Variants in NRXN3 observed in about 807,000 individuals in gnomAD.
The protein encoded by NRXN3 is neurexin III.
In NRXN3, 32 loss-of-function variants were observed where a neutral mutation model predicts 137.6. The observed-to-expected ratio is 0.23, with a 90% CI of 0.18 to 0.31. The LOEUF is 0.31. Ranked by LOEUF, NRXN3 falls within the 10% of genes least tolerant of loss-of-function variation. The probability of loss-of-function intolerance (pLI) is 1.00; values close to 1 mark genes in which losing one functional copy is unlikely to be tolerated. For missense variants in NRXN3, 1,574 were observed against 2,062.5 expected (o/e 0.76, Z 4.59); for synonymous variants, 798 against 784.5 (o/e 1.02, Z -0.29).
intron 4 of NRXN3, among the ~76,000 whole-genome samples, chr14:78,473,361 C>CA (rs1185193030): frequency 6.7e-6 from 1 of 148,840 alleles, no homozygotes; most frequent in African/African-American, 2.5e-5. Context: ...AAGATCACAC[C>CA]ACTGCACTCC....
chr14:78,493,930 G>C (rs374380011), intron 4 of NRXN3, among the ~76,000 whole-genome samples: 1 of 152,294 alleles, frequency 6.6e-6, no homozygotes, highest in East Asian at 1.9e-4. Context: ...ACGCTGCAAT[G>C]ATTTCTCAGC....
chr14:78,297,606 G>A (rs1034605027), intron 3 of NRXN3, among the ~76,000 whole-genome samples: 18 of 152,182 alleles, frequency 1.2e-4, no homozygotes, highest in African/African-American at 4.3e-4. Context: ...AGAAAGCCAG[G>A]CTTTCTGCCC....
At chr14:78,510,385 C>T (rs974872908) in intron 4 of NRXN3, among the ~76,000 whole-genome samples, 1 of 152,092 alleles carries the variant, frequency 6.6e-6, no homozygotes, top group Non-Finnish European at 1.5e-5. Context: ...CTATGCTTAG[C>T]TCTAATCTCA....
chr14:78,345,237 T>A (rs1398047805), intron 4 of NRXN3, among the ~76,000 whole-genome samples: 3 of 152,208 alleles, frequency 2.0e-5, no homozygotes, highest in African/African-American at 7.2e-5. Context: ...TATTAGCTTT[T>A]GCCAAGTAGT....
chr14:78,578,823 C>T (rs1270661967), intron 4 of NRXN3, among the ~76,000 whole-genome samples: 1 of 152,052 alleles, frequency 6.6e-6, no homozygotes, highest in Non-Finnish European at 1.5e-5. Flanking sequence ...GAAAGGGCAC[C>T]CGAGGCTGCT....
chr14:79,219,814 C>G (rs1189443608), intron 15 of NRXN3, among the ~76,000 whole-genome samples: 1 of 152,144 alleles, frequency 6.6e-6, no homozygotes, highest in East Asian at 1.9e-4. Flanking sequence ...TGTACCACTT[C>G]AACCCAAATT....
At chr14:78,216,441 G>A (rs1046568865) in intron 1 of NRXN3, among the ~76,000 whole-genome samples, 16 of 152,168 alleles carry the variant, frequency 1.1e-4, no homozygotes, top group Non-Finnish European at 2.2e-4. Context: ...GCTCTGCTGT[G>A]AATGCTGCTG....
chr14:79,367,588 A>G (rs1273592689), intron 15 of NRXN3, among the ~76,000 whole-genome samples: 1 of 152,208 alleles, frequency 6.6e-6, no homozygotes, highest in African/African-American at 2.4e-5. Context: ...AAAAGAAGAA[A>G]GAATAAGAAC....
At chr14:79,517,097 C>CT (rs968949556) in intron 16 of NRXN3, among the ~76,000 whole-genome samples, 1 of 136,350 alleles carries the variant, frequency 7.3e-6, no homozygotes, top group Non-Finnish European at 1.5e-5. Context: ...GTACAGCCCC[C>CT]CCCCCCTCAA....
chr14:79,114,691 C>A (rs965738276), intron 15 of NRXN3, among the ~76,000 whole-genome samples: 1 of 152,050 alleles, frequency 6.6e-6, no homozygotes, highest in Non-Finnish European at 1.5e-5. Context: ...TTGTTGAGAA[C>A]AACCTGGTCA....
intron 16 of NRXN3, among the ~76,000 whole-genome samples, chr14:79,569,634 A>T (rs747926548): frequency 0.1 from 14,292 of 142,914 alleles, 980 homozygotes; most frequent in African/African-American, 0.22. Context: ...TGTGTGTGAG[A>T]GAGAGAGAGA....
intron 17 of NRXN3, among the ~76,000 whole-genome samples, chr14:79,686,432 T>C (rs572238341): frequency 5.3e-5 from 8 of 152,234 alleles, no homozygotes; most frequent in African/African-American, 1.7e-4. Flanking sequence ...GAAAGAACTT[T>C]CTTTTCTAAG....
intron 10 of NRXN3, among the ~76,000 whole-genome samples, chr14:78,928,667 T>A (rs1185733384): frequency 2.0e-5 from 3 of 152,140 alleles, no homozygotes; most frequent in Admixed American, 6.5e-5. Flanking sequence ...TCCATGGTGT[T>A]TGTGTGCCAC....
chr14:78,273,671 T>TA (rs1459897055), intron 2 of NRXN3, among the ~76,000 whole-genome samples: 22 of 152,102 alleles, frequency 1.4e-4, no homozygotes, highest in African/African-American at 5.1e-4. Flanking sequence ...CATAGGTAAA[T>TA]ATGTGTGTAT....
chr14:79,082,820 A>G (rs1304998157), intron 15 of NRXN3, among the ~76,000 whole-genome samples: 2 of 152,194 alleles, frequency 1.3e-5, no homozygotes, highest in Non-Finnish European at 2.9e-5. Context: ...CTTCTGGCAA[A>G]TTCATTCAGG....
At chr14:78,924,556 A>G (rs1303277090) in intron 10 of NRXN3, among the ~76,000 whole-genome samples, 2 of 152,072 alleles carry the variant, frequency 1.3e-5, no homozygotes, top group Non-Finnish European at 2.9e-5. Flanking sequence ...TAGAAACATT[A>G]TTTCTATTCT....
chr14:79,865,161 A>C lies in NRXN3; in HGVS notation c.*3197A>C, dbSNP rs545280851. On this transcript the variant is annotated 3_prime_UTR_variant, in exon 21 of 21. Coordinates refer to ENST00000335750, the MANE Select transcript of NRXN3 (RefSeq NM_001330195.2). Reference sequence around the variant, plus strand: ...TTCACATAGTGCCATAAGCACTAGAAAGTCTTAGATGTCTTCTTTCCAAGC... The same window carrying C: ...TTCACATAGTGCCATAAGCACTAGACAGTCTTAGATGTCTTCTTTCCAAGC... 6.6e-6 allele frequency: 1 copy of C among 152,328 alleles called. No homozygotes were observed. Among genetic ancestry groups the C allele is most frequent in the South Asian group, 2.1e-4 (1 of 4,830 alleles). The allele number at this position is 152,328 out of a possible 1,614,324, so 9.4% of individuals were successfully genotyped here. A position where few individuals can be genotyped will look rare whatever the true frequency, so the allele number is the denominator to read the frequency against.
intron 4 of NRXN3, among the ~76,000 whole-genome samples, chr14:78,526,331 C>G (rs866013700): frequency 6.6e-6 from 1 of 152,148 alleles, no homozygotes; most frequent in Non-Finnish European, 1.5e-5. Context: ...TGAAGAGACC[C>G]CTGGGCCTCA....
chr14:78,535,942 C>T (rs1385988267), intron 4 of NRXN3, among the ~76,000 whole-genome samples: 2 of 152,106 alleles, frequency 1.3e-5, no homozygotes, highest in Admixed American at 6.5e-5. Flanking sequence ...ATGATACTCC[C>T]AAGAGACTTT....
Sources: allele counts gnomAD v4.1 joint callset (sites outside exome capture counted in the v4.1 genomes callset), GRCh38; gene constraint gnomAD v4.1.1; transcripts MANE v1.5; gene names NCBI Gene and HGNC (gene_info 2026-07-23, HGNC 2026-07-21).